Variants in PTPRN2 observed in about 807,000 individuals in gnomAD.
PTPRN2 encodes the protein protein tyrosine phosphatase receptor type N2.
A neutral mutation model predicts 118.8 loss-of-function variants in PTPRN2; 74 were observed. The ratio of observed to expected loss-of-function variants is 0.62; its 90% CI spans 0.52 to 0.76. The LOEUF is 0.76. PTPRN2 is among the 30% of genes least tolerant of loss of function. The probability of loss-of-function intolerance (pLI) is 0.00; values close to 1 mark genes in which losing one functional copy is unlikely to be tolerated. For synonymous variants in PTPRN2, 641 were observed against 608.0 expected (o/e 1.05, Z -0.80); for missense variants, 1,481 against 1,394.4 (o/e 1.06, Z -0.99).
chr7:158,053,424 G>T (rs75241473), intron 11 of PTPRN2, among the ~76,000 whole-genome samples: 1 of 152,258 alleles, frequency 6.6e-6, no homozygotes, highest in East Asian at 1.9e-4. Flanking sequence ...TTTAATTAAC[G>T]TGTAGCTAAA....
chr7:158,136,550 C>A (rs1818834593), intron 8 of PTPRN2, 105 bp downstream of exon 8: 6 of 1,069,502 alleles, frequency 5.6e-6, no homozygotes, highest in South Asian at 1.4e-5. Context: ...CCATAATTTT[C>A]TGGGAAAAAA....
intron 3 of PTPRN2, among the ~76,000 whole-genome samples, chr7:158,229,655 G>A (rs1829039647): frequency 6.6e-6 from 1 of 151,732 alleles, no homozygotes. Context: ...AGGAATCAGT[G>A]AGCTCAAAGA....
intron 21 of PTPRN2, among the ~76,000 whole-genome samples, chr7:157,562,055 C>T (rs893097063): frequency 9.2e-5 from 14 of 152,130 alleles, no homozygotes; most frequent in Non-Finnish European, 1.5e-4. Flanking sequence ...GAAGGGTGCG[C>T]CCCCCACGCC....
intron 12 of PTPRN2, among the ~76,000 whole-genome samples, chr7:157,880,083 A>G (rs1796028844): frequency 6.6e-6 from 1 of 152,180 alleles, no homozygotes; most frequent in Non-Finnish European, 1.5e-5. Context: ...CCGCTTATTC[A>G]TGTGTTAACG....
At chr7:157,549,075 T>C in intron 21 of PTPRN2, 56 bp from the exon 22 acceptor site, 1 of 1,517,122 alleles carries the variant, frequency 6.6e-7, no homozygotes, top group Non-Finnish European at 9.2e-7. Flanking sequence ...CCATGCCACA[T>C]CTGTCAATCT....
intron 2 of PTPRN2, among the ~76,000 whole-genome samples, chr7:158,361,546 C>T (rs1040069361): frequency 2.0e-5 from 3 of 152,316 alleles, no homozygotes; most frequent in Middle Eastern, 3.4e-3. Context: ...TCCACTGAAG[C>T]CCTGGGCTCC....
chr7:158,167,527 C>T (rs1823142504), intron 5 of PTPRN2, among the ~76,000 whole-genome samples: 1 of 152,172 alleles, frequency 6.6e-6, no homozygotes, highest in African/African-American at 2.4e-5. Flanking sequence ...ATATTTGTTC[C>T]TGCATTATTT....
intron 2 of PTPRN2, among the ~76,000 whole-genome samples, chr7:158,333,808 C>G (rs878946890): frequency 6.7e-6 from 1 of 149,296 alleles, no homozygotes; most frequent in Admixed American, 6.7e-5. Context: ...AGAGCTGAGG[C>G]CCACAGAGGT....
intron 12 of PTPRN2, among the ~76,000 whole-genome samples, chr7:157,737,176 C>T (rs759897009): frequency 2.6e-5 from 4 of 152,230 alleles, no homozygotes; most frequent in African/African-American, 4.8e-5. Context: ...TCGGTACACA[C>T]GCCACGTTGC....
rs1340666330 is a variant in PTPRN2, at chr7:157,590,580, T to C, written c.2496+4658A>G. Among the ~76,000 whole-genome samples the C allele has an allele frequency of 6.6e-6, 1 of 152,218 alleles. No individual in the cohort carries two copies. Among genetic ancestry groups the C allele is most frequent in the African/African-American group, 2.4e-5 (1 of 41,460 alleles). On this transcript the variant is annotated intron_variant, in intron 17 of 22. Coordinates refer to ENST00000389418, the MANE Select transcript of PTPRN2 (RefSeq NM_002847.5). This position sits in a 1 kb window ranked among gnomAD's most constrained non-coding sequence, Gnocchi z 4.0. ...GTGTGCAGTGAGTGGTGACCCTCCG[T>C]GGATTTTCGTGCACGTTCTGGGCTC...
chr7:157,563,692 G>A (rs1451232557), intron 21 of PTPRN2, among the ~76,000 whole-genome samples: 1 of 142,316 alleles, frequency 7.0e-6, no homozygotes, highest in Non-Finnish European at 1.5e-5. Context: ...AGCAGATCAG[G>A]ACCACGTGCT....
At chr7:158,068,929 A>G (rs1172317879) in intron 11 of PTPRN2, among the ~76,000 whole-genome samples, 1 of 152,244 alleles carries the variant, frequency 6.6e-6, no homozygotes, top group African/African-American at 2.4e-5. Flanking sequence ...ACCTTTAATC[A>G]GTGCTAAAAT....
intron 11 of PTPRN2, among the ~76,000 whole-genome samples, chr7:158,054,094 C>T (rs1334873605): frequency 1.3e-5 from 2 of 151,840 alleles, no homozygotes; most frequent in Non-Finnish European, 2.9e-5. Flanking sequence ...TGCAGAGACT[C>T]CAGAGACGGA....
intron 3 of PTPRN2, among the ~76,000 whole-genome samples, chr7:158,236,695 C>A (rs1307840454): frequency 6.6e-6 from 1 of 152,202 alleles, no homozygotes; most frequent in Non-Finnish European, 1.5e-5. Flanking sequence ...CCCGGTGCAA[C>A]CTGTCCCCGC....
At chr7:158,535,082 C>T (rs1184515556) in intron 1 of PTPRN2, among the ~76,000 whole-genome samples, 2 of 152,214 alleles carry the variant, frequency 1.3e-5, no homozygotes, top group Non-Finnish European at 2.9e-5. Context: ...ATCTCCCAGC[C>T]TGGGAATGTC....
At chr7:157,547,970 C>T (rs1227960857) in intron 22 of PTPRN2, among the ~76,000 whole-genome samples, 1 of 152,184 alleles carries the variant, frequency 6.6e-6, no homozygotes, top group East Asian at 1.9e-4. Context: ...CATCGCTGGG[C>T]CTGTTGGTCA....
intron 11 of PTPRN2, among the ~76,000 whole-genome samples, chr7:157,907,336 C>T (rs1343540971): frequency 4.0e-5 from 6 of 151,062 alleles, no homozygotes; most frequent in African/African-American, 1.2e-4. Context: ...TGGGGTGTCC[C>T]GGGCGGTGGT....
At chr7:158,497,556 G>A (rs1260651907) in intron 1 of PTPRN2, among the ~76,000 whole-genome samples, 1 of 152,180 alleles carries the variant, frequency 6.6e-6, no homozygotes, top group African/African-American at 2.4e-5. Context: ...CAGGAGGAGG[G>A]ATAATCACCC....
At chr7:158,144,852 T>C (rs1819746989) in intron 6 of PTPRN2, among the ~76,000 whole-genome samples, 1 of 152,152 alleles carries the variant, frequency 6.6e-6, no homozygotes, top group Admixed American at 6.5e-5. Flanking sequence ...TGCAAAATGA[T>C]GCTTATTCCC....
Sources: allele counts gnomAD v4.1 joint callset (sites outside exome capture counted in the v4.1 genomes callset), GRCh38; gene constraint gnomAD v4.1.1; non-coding constraint Gnocchi (gnomAD v3.1); transcripts MANE v1.5; gene names NCBI Gene and HGNC (gene_info 2026-07-23, HGNC 2026-07-21).